PRKN: variants seen among roughly 807,000 people sequenced by gnomAD.
The protein encoded by PRKN is E3 ubiquitin-protein ligase parkin.
PRKN carries 56 observed loss-of-function variants against 59.5 expected under a neutral mutation model. That is an observed-to-expected ratio of 0.94 (90% CI 0.76 to 1.18). The LOEUF (loss-of-function observed/expected upper bound fraction) is 1.18, where lower values mean the gene tolerates loss of function less well. Ranked by LOEUF, PRKN falls within the 50% of genes most tolerant of loss-of-function variation. The probability of loss-of-function intolerance (pLI) is 0.00; values close to 1 mark genes in which losing one functional copy is unlikely to be tolerated. For synonymous variants in PRKN, 250 were observed against 222.1 expected (o/e 1.13, Z -1.12); for missense variants, 657 against 596.4 (o/e 1.10, Z -1.06).
rs1253419880 is a variant in PRKN at position 162,528,076 on chromosome 6, C to CGG, written c.8-84605_8-84604dup. ...GGGAGGTCGGGGGAGGGCGGGGGGG[C>CGG]GGGAGGGGTGCGGGGCGGCGGGTCA... On this transcript the variant is annotated intron_variant, in intron 1 of 11. Coordinates refer to ENST00000366898, the MANE Select transcript of PRKN (RefSeq NM_004562.3). Among the ~76,000 whole-genome samples the CGG allele has an allele frequency of 2.4e-3, 52 of 22,064 alleles. 1 individual carries two copies. The highest frequency in any genetic ancestry group is 8.8e-3 in the African/African-American group (46 of 5,220). The allele number at this position is 22,064 out of a possible 152,430, so 14.5% of individuals were successfully genotyped here. A position where few individuals can be genotyped will look rare whatever the true frequency, so the allele number is the denominator to read the frequency against.
chr6:161,433,114 A>G (rs1299976103), intron 9 of PRKN, among the ~76,000 whole-genome samples: 3 of 152,220 alleles, frequency 2.0e-5, no homozygotes, highest in African/African-American at 7.2e-5. Flanking sequence ...TTTGGCATAT[A>G]ACTGCAAATG....
chr6:162,422,596 T>C (rs1198891663), intron 2 of PRKN, among the ~76,000 whole-genome samples: 1 of 152,098 alleles, frequency 6.6e-6, no homozygotes, highest in Non-Finnish European at 1.5e-5. Flanking sequence ...CTGGGGATAA[T>C]TGAGAGGGCT....
intron 4 of PRKN, among the ~76,000 whole-genome samples, chr6:162,153,117 T>C (rs927751052): frequency 2.6e-5 from 4 of 152,222 alleles, no homozygotes; most frequent in African/African-American, 9.6e-5. Flanking sequence ...TGCAGGATAT[T>C]TTCTTGACCC....
chr6:161,944,756 T>A (rs185960950), intron 6 of PRKN, among the ~76,000 whole-genome samples: 2 of 152,332 alleles, frequency 1.3e-5, no homozygotes, highest in African/African-American at 4.8e-5. Flanking sequence ...GAACACACTG[T>A]CACAGAATTG....
At chr6:162,716,485 G>T (rs896365608) in intron 1 of PRKN, among the ~76,000 whole-genome samples, 3 of 152,170 alleles carry the variant, frequency 2.0e-5, no homozygotes, top group African/African-American at 7.2e-5. Flanking sequence ...TGTCAAATCA[G>T]AAAGCAATAT....
At chr6:161,455,030 A>G (rs1407331572) in intron 9 of PRKN, among the ~76,000 whole-genome samples, 2 of 150,508 alleles carry the variant, frequency 1.3e-5, no homozygotes, top group Non-Finnish European at 3.0e-5. Flanking sequence ...AGTTTGGTTT[A>G]ATTTGACACG....
At chr6:162,691,859 C>G (rs1777786141) in intron 1 of PRKN, among the ~76,000 whole-genome samples, 1 of 152,084 alleles carries the variant, frequency 6.6e-6, no homozygotes, top group African/African-American at 2.4e-5. Flanking sequence ...GCAGTAGCAG[C>G]CTGGGGTAAA....
At chr6:162,491,040 T>C (rs544053556) in intron 1 of PRKN, among the ~76,000 whole-genome samples, 1 of 150,820 alleles carries the variant, frequency 6.6e-6, no homozygotes, top group African/African-American at 2.4e-5. Flanking sequence ...GAGGCGGGGG[T>C]TGTGGTGATC....
Position 162,054,110 on chromosome 6 carries a change from T to C in PRKN, c.599A>G (p.His200Arg). The change falls in exon 5 of 12, where the codon CAC (histidine) becomes CGC (arginine). Residue 200 changes from histidine (H) to arginine (R), a missense_variant. By Grantham distance (29) the His-to-Arg change is conservative (BLOSUM62 0). Coordinates refer to ENST00000366898, the MANE Select transcript of PRKN (RefSeq NM_004562.3). ...NRMSGECQSP[H>R]CPGTSAEFFF... ...ACTTACTGCACTAGTCCCAGGGCAG[T>C]GTGGGGATTGGCATTCACCACTCAT... The C allele has an allele frequency of 6.2e-7, 1 of 1,610,894 alleles. No homozygotes were observed. The highest frequency in any genetic ancestry group is 1.1e-5 in the South Asian group (1 of 90,998).
At chr6:162,278,726 T>C (rs1487315917) in intron 2 of PRKN, among the ~76,000 whole-genome samples, 1 of 152,168 alleles carries the variant, frequency 6.6e-6, no homozygotes, top group Non-Finnish European at 1.5e-5. Flanking sequence ...CATCACACAT[T>C]ACAGCGGCTA....
chr6:162,279,827 A>G (rs775598135), intron 2 of PRKN, among the ~76,000 whole-genome samples: 1 of 152,128 alleles, frequency 6.6e-6, no homozygotes, highest in Non-Finnish European at 1.5e-5. Context: ...GTAGGCCTCT[A>G]AGAAGTTGTT....
chr6:161,431,773 C>T (rs1788658061), intron 9 of PRKN, among the ~76,000 whole-genome samples: 1 of 151,874 alleles, frequency 6.6e-6, no homozygotes, highest in African/African-American at 2.4e-5. Context: ...CCACCACACC[C>T]CGCTAATTTT....
At chr6:161,912,420 C>A (rs561569881) in intron 6 of PRKN, among the ~76,000 whole-genome samples, 17 of 151,972 alleles carry the variant, frequency 1.1e-4, no homozygotes, top group South Asian at 1.0e-3. Context: ...TGTACCCCCC[C>A]ACCCTCGTGA....
At chr6:161,834,522 G>C (rs1431315458) in intron 6 of PRKN, among the ~76,000 whole-genome samples, 1 of 152,132 alleles carries the variant, frequency 6.6e-6, no homozygotes, top group African/African-American at 2.4e-5. Flanking sequence ...CTGATGCTCC[G>C]TTTGAATAAC....
intron 4 of PRKN, among the ~76,000 whole-genome samples, chr6:162,055,991 A>C (rs1777843302): frequency 5.4e-5 from 2 of 37,318 alleles, no homozygotes; most frequent in Non-Finnish European, 9.1e-5. Flanking sequence ...ACACACACTC[A>C]GGCATGCACG....
intron 4 of PRKN, among the ~76,000 whole-genome samples, chr6:162,112,985 G>A (rs1484774015): frequency 3.3e-5 from 5 of 152,028 alleles, no homozygotes; most frequent in South Asian, 2.1e-4. Context: ...CTGATTCACC[G>A]ATTTCATCGT....
chr6:161,884,549 T>C (rs1424145134), intron 6 of PRKN, among the ~76,000 whole-genome samples: 2 of 152,370 alleles, frequency 1.3e-5, no homozygotes, highest in East Asian at 3.9e-4. Flanking sequence ...CAACTTTTGA[T>C]GTAGGGCTCT....
intron 5 of PRKN, among the ~76,000 whole-genome samples, chr6:161,995,631 A>G (rs916836160): frequency 1.3e-5 from 2 of 152,218 alleles, no homozygotes; most frequent in African/African-American, 4.8e-5. Flanking sequence ...GAAGACATAC[A>G]AATGGCCAAC....
At chr6:162,229,666 T>C (rs1157978274) in intron 3 of PRKN, among the ~76,000 whole-genome samples, 1 of 152,158 alleles carries the variant, frequency 6.6e-6, no homozygotes, top group African/African-American at 2.4e-5. Context: ...ACTCAATATC[T>C]GCCCTCGGCC....
Sources: gnomAD v4.1 joint callset for allele counts (sites outside exome capture counted in the v4.1 genomes callset) on GRCh38, gnomAD v4.1.1 for gene constraint, MANE v1.5 for transcripts, NCBI Gene and HGNC (gene_info 2026-07-23, HGNC 2026-07-21) for gene names.